Variants in RBM20 observed in about 807,000 individuals in gnomAD.
RBM20 encodes the protein RNA-binding protein 20.
In RBM20, 51 loss-of-function variants were observed where a neutral mutation model predicts 110.1. The ratio of observed to expected loss-of-function variants is 0.46; its 90% CI spans 0.37 to 0.59. RBM20 has a LOEUF of 0.59. Among genes scored for constraint, RBM20 ranks in the 20% least tolerant of loss-of-function variants. The pLI is 0.00. For missense variants in RBM20, 1,512 were observed against 1,574.9 expected (o/e 0.96, Z 0.68); for synonymous variants, 589 against 618.2 (o/e 0.95, Z 0.70).
intron 1 of RBM20, among the ~76,000 whole-genome samples, chr10:110,741,125 T>A (rs1434961924): frequency 1.3e-5 from 2 of 152,202 alleles, no homozygotes; most frequent in Non-Finnish European, 2.9e-5. Context: ...TTGTCTCACC[T>A]TCTCAGTTGT....
At chr10:110,679,244 GAT>G (rs1252773045) in intron 1 of RBM20, among the ~76,000 whole-genome samples, 1 of 151,974 alleles carries the variant, frequency 6.6e-6, no homozygotes, top group African/African-American at 2.4e-5. Flanking sequence ...TTTTTTTAGA[GAT>G]AGAGTCTTGC....
intron 12 of RBM20, among the ~76,000 whole-genome samples, chr10:110,829,900 C>A (rs1845027655): frequency 6.6e-6 from 1 of 152,208 alleles, no homozygotes; most frequent in Non-Finnish European, 1.5e-5. Context: ...CCAGCCCCAG[C>A]AGAAGAGAGG....
intron 1 of RBM20, among the ~76,000 whole-genome samples, chr10:110,771,614 T>C (rs1219079934): frequency 6.6e-6 from 1 of 152,176 alleles, no homozygotes; most frequent in Non-Finnish European, 1.5e-5. Context: ...TTGAGGCTGA[T>C]GGAGCAGAAG....
At chr10:110,722,831 G>T (rs532725982) in intron 1 of RBM20, among the ~76,000 whole-genome samples, 1 of 152,328 alleles carries the variant, frequency 6.6e-6, no homozygotes, top group African/African-American at 2.4e-5. Context: ...CTCCCAGTGG[G>T]CTGAGCATGG....
chr10:110,755,486 C>T (rs1340493609), intron 1 of RBM20, among the ~76,000 whole-genome samples: 1 of 152,170 alleles, frequency 6.6e-6, no homozygotes, highest in Non-Finnish European at 1.5e-5. Flanking sequence ...AATCACCTAA[C>T]CTTCCCTCGT....
chr10:110,711,606 A>G (rs758915590), intron 1 of RBM20, among the ~76,000 whole-genome samples: 9 of 152,258 alleles, frequency 5.9e-5, no homozygotes, highest in Non-Finnish European at 1.2e-4. Flanking sequence ...AAAGTCAGAG[A>G]AGGGGTTGAC....
At chr10:110,781,957 G>A (rs1281575600) in intron 2 of RBM20, 73 bp downstream of exon 2, 9 of 1,528,752 alleles carry the variant, frequency 5.9e-6, no homozygotes, top group East Asian at 4.9e-5. Flanking sequence ...CCCAACTCAC[G>A]CTGCCAATGG....
At chr10:110,784,239 A>C (rs1289956794) in intron 3 of RBM20, 102 bp from the exon 4 acceptor site, 1 of 813,330 alleles carries the variant, frequency 1.2e-6, no homozygotes, top group African/African-American at 1.7e-5. Flanking sequence ...ACCTGTTTTC[A>C]ACTATTTGGG....
intron 1 of RBM20, among the ~76,000 whole-genome samples, chr10:110,667,448 G>A (rs1862194844): frequency 6.6e-6 from 1 of 152,136 alleles, no homozygotes; most frequent in African/African-American, 2.4e-5. Context: ...GTGGCTTGAT[G>A]GGCATGGACA....
intron 1 of RBM20, among the ~76,000 whole-genome samples, chr10:110,665,139 G>C (rs1862158604): frequency 6.6e-6 from 1 of 152,128 alleles, no homozygotes; most frequent in Admixed American, 6.5e-5. Flanking sequence ...GCCTCGCAAA[G>C]TGTTGGATTA....
intron 1 of RBM20, among the ~76,000 whole-genome samples, chr10:110,687,753 G>A (rs1219655477): frequency 6.6e-6 from 1 of 152,194 alleles, no homozygotes; most frequent in Non-Finnish European, 1.5e-5. Context: ...TATCTCGAAT[G>A]AGAAAAGACT....
At chr10:110,818,303 A>C (rs1590699717) in intron 9 of RBM20, among the ~76,000 whole-genome samples, 1 of 151,212 alleles carries the variant, frequency 6.6e-6, no homozygotes, top group Non-Finnish European at 1.5e-5. Context: ...AAAAAAAAAA[A>C]AAAACCAAAA....
chr10:110,677,433 C>T (rs1862355070), intron 1 of RBM20, among the ~76,000 whole-genome samples: 1 of 152,164 alleles, frequency 6.6e-6, no homozygotes, highest in African/African-American at 2.4e-5. Flanking sequence ...ATTCTCCTGC[C>T]GCAGCCTCCC....
chr10:110,671,033 AC>A (rs1862249996), intron 1 of RBM20, among the ~76,000 whole-genome samples: 1 of 152,234 alleles, frequency 6.6e-6, no homozygotes, highest in African/African-American at 2.4e-5. Flanking sequence ...AAAGAAAGTC[AC>A]TTTCCCATGC....
At chr10:110,804,747 G>A (rs4918593) in intron 7 of RBM20, among the ~76,000 whole-genome samples, 151,967 of 152,362 alleles carry the variant, frequency 1, 75,788 homozygotes, top group Middle Eastern at 1. Context: ...GTTGTTCTAT[G>A]GAAACTTCGT....
At chr10:110,746,559 T>C (rs939331270) in intron 1 of RBM20, among the ~76,000 whole-genome samples, 4 of 152,180 alleles carry the variant, frequency 2.6e-5, no homozygotes, top group African/African-American at 7.2e-5. Context: ...GTGGCATTGC[T>C]CAGTCGACCC....
chr10:110,758,811 A>G (rs1319607278), intron 1 of RBM20, among the ~76,000 whole-genome samples: 5 of 152,142 alleles, frequency 3.3e-5, no homozygotes, highest in Admixed American at 3.3e-4. Flanking sequence ...AGTGCAGATG[A>G]GGGGAAGGAC....
intron 1 of RBM20, among the ~76,000 whole-genome samples, chr10:110,688,613 C>A (rs1041114743): frequency 6.6e-6 from 1 of 152,006 alleles, no homozygotes; most frequent in Non-Finnish European, 1.5e-5. Context: ...TCTTCCAATC[C>A]TGCATTTAAA....
At chr10:110,798,349 G>A (rs1211787333) in intron 6 of RBM20, among the ~76,000 whole-genome samples, 1 of 152,186 alleles carries the variant, frequency 6.6e-6, no homozygotes, top group African/African-American at 2.4e-5. Context: ...TTTTCTTAAA[G>A]AAGGCTGAAC....
Sources: allele counts gnomAD v4.1 joint callset (sites outside exome capture counted in the v4.1 genomes callset), GRCh38; gene constraint gnomAD v4.1.1; transcripts MANE v1.5; gene names NCBI Gene and HGNC (gene_info 2026-07-23, HGNC 2026-07-21).